ZNF92: variants seen among roughly 807,000 people sequenced by gnomAD.
ZNF92 encodes zinc finger protein 92.
A neutral mutation model predicts 12.4 loss-of-function variants in ZNF92; 11 were observed. The observed-to-expected ratio is 0.89, with a 90% confidence interval of 0.56 to 1.47. ZNF92 has a LOEUF of 1.47. ZNF92 is among the 40% of genes most tolerant of loss of function. The pLI is 0.00. For synonymous variants in ZNF92, 206 were observed against 228.6 expected (o/e 0.90, Z 0.89); for missense variants, 622 against 681.0 (o/e 0.91, Z 0.96).
rs951133200 is a variant in ZNF92, at chr7:65,374,967, T to G, written c.3+967T>G. Reference sequence around the variant, plus strand: ...CCAACTTACCCTCCCTAATTCGCATTAGCAAGTGTGTTTCCTTTAGTGTAC... The same window carrying G: ...CCAACTTACCCTCCCTAATTCGCATGAGCAAGTGTGTTTCCTTTAGTGTAC... On this transcript the variant is annotated intron_variant, in intron 1 of 3. Transcript: ENST00000328747. Among the ~76,000 whole-genome samples the G allele has an allele frequency of 5.3e-5, 8 of 152,112 alleles. 1 individual carries two copies. The highest frequency in any genetic ancestry group is 1.0e-4 in the Non-Finnish European group (7 of 68,038).
chr7:65,379,426 C>T (rs1286020689), intron 1 of ZNF92, among the ~76,000 whole-genome samples: 2 of 152,106 alleles, frequency 1.3e-5, no homozygotes, highest in Admixed American at 1.3e-4. Context: ...GGCTGTCACA[C>T]TGCCCGTTGT....
chr7:65,392,382 T>A (rs1793739063), intron 3 of ZNF92, among the ~76,000 whole-genome samples: 1 of 151,906 alleles, frequency 6.6e-6, no homozygotes, highest in Non-Finnish European at 1.5e-5. Context: ...TTTTTTAGTT[T>A]TTCTTTTAAA....
At chr7:65,382,264 G>GT (rs1793441334) in intron 1 of ZNF92, among the ~76,000 whole-genome samples, 2 of 151,948 alleles carry the variant, frequency 1.3e-5, no homozygotes, top group South Asian at 4.2e-4. Context: ...ACATTCTGGT[G>GT]TAATTGTGTA....
chr7:65,392,844 A>G (rs1167144204), intron 3 of ZNF92, among the ~76,000 whole-genome samples: 1 of 151,906 alleles, frequency 6.6e-6, no homozygotes, highest in Non-Finnish European at 1.5e-5. Flanking sequence ...GCCAGAGCCC[A>G]AATGTTTGAG....
intron 3 of ZNF92, among the ~76,000 whole-genome samples, chr7:65,393,891 C>T (rs1247644224): frequency 6.6e-6 from 1 of 150,730 alleles, no homozygotes; most frequent in Non-Finnish European, 1.5e-5. Context: ...TCAATTATTT[C>T]TTCATTTCTG....
At chr7:65,389,855 G>A (rs1793665269) in intron 3 of ZNF92, among the ~76,000 whole-genome samples, 1 of 151,516 alleles carries the variant, frequency 6.6e-6, no homozygotes, top group East Asian at 1.9e-4. Context: ...TTTCTGAGAC[G>A]GAGTCTTACT....
intron 1 of ZNF92, among the ~76,000 whole-genome samples, chr7:65,380,832 T>C (rs1793388611): frequency 6.6e-6 from 1 of 152,116 alleles, no homozygotes; most frequent in Non-Finnish European, 1.5e-5. Context: ...AGCATTCTCT[T>C]TACCCTGCAA....
In ZNF92 at chr7:65,387,922, T is replaced by C. The variant is rs769438787; in HGVS notation, c.24T>C (p.Asp8=). ...TTCAGGGACCACTGACATTTAGGGA[T>C]GTGAAAATAGAATTCTCTCTAGAGG... The part of the protein sequence containing the change: MGPLTFR[D]VKIEFSLEEW... The change falls in exon 2 of 4, where the codon GAT becomes GAC. Residue 8 remains aspartate (D), a synonymous_variant. Transcript: ENST00000328747. The C allele has an allele frequency of 6.2e-7, 1 of 1,606,964 alleles. No homozygotes were observed. The highest frequency in any genetic ancestry group is 8.5e-7 in the Non-Finnish European group (1 of 1,176,726).
intron 3 of ZNF92, among the ~76,000 whole-genome samples, chr7:65,395,343 T>C (rs1326053750): frequency 1.3e-5 from 2 of 152,140 alleles, no homozygotes; most frequent in Non-Finnish European, 2.9e-5. Flanking sequence ...CATGAGCCCC[T>C]GCACCCAGCT....
At chr7:65,397,909 C>G (rs953856832) in intron 3 of ZNF92, among the ~76,000 whole-genome samples, 2 of 152,066 alleles carry the variant, frequency 1.3e-5, no homozygotes, top group African/African-American at 4.8e-5. Flanking sequence ...CACTTTATGG[C>G]ATGGGAGACA....
At chr7:65,382,843 A>G (rs1166355754) in intron 1 of ZNF92, among the ~76,000 whole-genome samples, 1 of 152,134 alleles carries the variant, frequency 6.6e-6, no homozygotes, top group Non-Finnish European at 1.5e-5. Flanking sequence ...CTTTTATCTG[A>G]GAAATGCAAA....
Position 65,374,660 on chromosome 7 carries a change from T to A in ZNF92, c.3+660T>A, listed in dbSNP as rs1793189863. On this transcript the variant is annotated intron_variant, in intron 1 of 3. Transcript: ENST00000328747. ...TTGTCAGTTTATAGTTGGTTAAGCC[T>A]GAATTTTGTTCCCTCGGTGTTATTT... Among the ~76,000 whole-genome samples, 3 of 152,098 alleles carry A rather than the reference T, an allele frequency of 2.0e-5. No homozygotes were observed. The South Asian group carries it at 6.2e-4, about 32-fold the overall frequency.
chr7:65,397,494 T>G (rs1468958841), intron 3 of ZNF92, among the ~76,000 whole-genome samples: 2 of 152,142 alleles, frequency 1.3e-5, no homozygotes. Flanking sequence ...TTTATAACTT[T>G]ATTTTTTATG....
intron 3 of ZNF92, among the ~76,000 whole-genome samples, chr7:65,393,273 C>T (rs911844881): frequency 2.0e-5 from 3 of 152,094 alleles, no homozygotes; most frequent in Non-Finnish European, 4.4e-5. Flanking sequence ...CAGTATCCAT[C>T]ATTTTGTTAC....
rs1323603959 is a variant in ZNF92 at position 65,401,030 on chromosome 7, T to C, written c.*1155T>C. The stretch of plus-strand genomic sequence containing the variant: ...GAGAAAAAAACATTTTAAAATTAAT[T>C]ATCATTTTGTTGATTGTGCTTTTAT... On this transcript the variant is annotated 3_prime_UTR_variant, in exon 4 of 4. Coordinates refer to ENST00000328747, the MANE Select transcript of ZNF92 (RefSeq NM_152626.4). 1 of 152,042 alleles carries C rather than the reference T, an allele frequency of 6.6e-6. No individual in the cohort carries two copies. The highest frequency in any genetic ancestry group is 6.5e-5 in the Admixed American group (1 of 15,270). The allele number at this position is 152,042 out of a possible 1,614,324, so 9.4% of individuals were successfully genotyped here.
At chr7:65,389,395 A>G (rs1023059484) in intron 3 of ZNF92, among the ~76,000 whole-genome samples, 1 of 152,118 alleles carries the variant, frequency 6.6e-6, no homozygotes, top group African/African-American at 2.4e-5. Flanking sequence ...ATCTTCTTCA[A>G]GTTTACAGTG....
chr7:65,393,751 T>C (rs568885418), intron 3 of ZNF92, among the ~76,000 whole-genome samples: 2 of 152,240 alleles, frequency 1.3e-5, no homozygotes, highest in Non-Finnish European at 2.9e-5. Flanking sequence ...TATAAGTTAG[T>C]AATTTTGTCT....
chr7:65,374,689 C>A (rs1485477629), intron 1 of ZNF92, among the ~76,000 whole-genome samples: 1 of 151,710 alleles, frequency 6.6e-6, no homozygotes, highest in South Asian at 2.1e-4. Context: ...GTTATTTACC[C>A]TCCCCTCCCC....
chr7:65,386,748 A>G (rs1297267767), intron 1 of ZNF92, among the ~76,000 whole-genome samples: 1 of 152,108 alleles, frequency 6.6e-6, no homozygotes, highest in East Asian at 1.9e-4. Flanking sequence ...AATTCAGGCT[A>G]TAATTTACTT....
Sources: allele counts gnomAD v4.1 joint callset (sites outside exome capture counted in the v4.1 genomes callset), GRCh38; gene constraint gnomAD v4.1.1; transcripts MANE v1.5; gene names NCBI Gene and HGNC (gene_info 2026-07-23, HGNC 2026-07-21).